MAP4: variants seen among roughly 807,000 people sequenced by gnomAD.
MAP4 encodes microtubule associated protein 4, also known as microtubule-associated protein 4.
A neutral mutation model predicts 170.2 loss-of-function variants in MAP4; 76 were observed. The ratio of observed to expected loss-of-function variants is 0.45; its 90% CI spans 0.37 to 0.54. The LOEUF (loss-of-function observed/expected upper bound fraction) is 0.54, where lower values mean the gene tolerates loss of function less well. MAP4 is among the 20% of genes least tolerant of loss of function. MAP4 has a pLI of 0.00. For synonymous variants in MAP4, 909 were observed against 994.5 expected (o/e 0.91, Z 1.62); for missense variants, 2,506 against 2,748.0 (o/e 0.91, Z 1.97).
In MAP4 at chr3:47,966,228, C is replaced by CTTT. The variant is rs757460367; in HGVS notation, c.292+11634_292+11636dup. On this transcript the variant is annotated intron_variant, in intron 3 of 20. Coordinates refer to ENST00000683076, the MANE Select transcript of MAP4 (RefSeq NM_001385682.1). ...AGCTGGGACTACAGGCCCACACTAC[C>CTTT]TTTTTTTTTTTTTTTTTTTTTTTTT... Among the ~76,000 whole-genome samples the CTTT allele has an allele frequency of 5.1e-3, 257 of 50,248 alleles. 62 individuals carry two copies. Among genetic ancestry groups the CTTT allele is most frequent in the East Asian group, 0.013 (14 of 1,116 alleles). 33.0% of individuals were successfully genotyped at this position (50,248 alleles called of 152,430 possible).
chr3:47,857,795 G>A (rs552775841), intron 17 of MAP4, among the ~76,000 whole-genome samples: 28 of 151,534 alleles, frequency 1.8e-4, no homozygotes, highest in Admixed American at 4.0e-4. Flanking sequence ...TATAACCTCC[G>A]CCTCCTGGGG....
At chr3:47,879,821 G>A (rs2096354512) in intron 10 of MAP4, among the ~76,000 whole-genome samples, 2 of 152,012 alleles carry the variant, frequency 1.3e-5, no homozygotes. Flanking sequence ...TAAATATATG[G>A]CAACTACTAT....
chr3:47,998,634 T>G lies in MAP4; in HGVS notation c.223+4A>C, dbSNP rs1377545556. ...TATATAAGCAGTCTGGTTTAAATAC[T>G]TACCTTCAATCTGGCTAGTTTCTGA... On this transcript the variant is annotated splice_donor_region_variant and intron_variant, in intron 2 of 20. Coordinates refer to ENST00000683076, the MANE Select transcript of MAP4 (RefSeq NM_001385682.1). The G allele has an allele frequency of 6.2e-7, 1 of 1,611,058 alleles. No homozygotes were observed. The highest frequency in any genetic ancestry group is 8.5e-7 in the Non-Finnish European group (1 of 1,177,316).
intron 3 of MAP4, among the ~76,000 whole-genome samples, chr3:47,935,487 A>C (rs951727752): frequency 3.3e-5 from 5 of 152,192 alleles, no homozygotes; most frequent in African/African-American, 1.2e-4. Context: ...AATGCCTTCT[A>C]AAGGGAAACC....
In MAP4 at chr3:47,991,161, A is replaced by T. The variant is rs560045727; in HGVS notation, c.223+7477T>A. Among the ~76,000 whole-genome samples, 9 of 152,380 alleles carry T rather than the reference A, an allele frequency of 5.9e-5. No homozygotes were observed. The South Asian group carries it at 1.9e-3, about 32-fold the overall frequency. On this transcript the variant is annotated intron_variant, in intron 2 of 20. Coordinates refer to ENST00000683076, the MANE Select transcript of MAP4 (RefSeq NM_001385682.1). ...AAAAAAGCAATTTTCCTACTTTGTC[A>T]TAAATGCCATAAAAGCAACCCTGCT...
chr3:47,891,049 G>C, intron 10 of MAP4: 1 of 1,499,532 alleles, frequency 6.7e-7, no homozygotes, highest in East Asian at 2.5e-5. Flanking sequence ...TTTCAAACAG[G>C]AACGATGGAG....
intron 3 of MAP4, among the ~76,000 whole-genome samples, chr3:47,936,029 G>C (rs944741844): frequency 1.3e-5 from 2 of 151,790 alleles, no homozygotes; most frequent in Non-Finnish European, 2.9e-5. Flanking sequence ...AGCTGCCAGT[G>C]GCCATCTTTC....
chr3:48,021,883 T>C (rs2100110741), intron 1 of MAP4, among the ~76,000 whole-genome samples: 1 of 152,198 alleles, frequency 6.6e-6, no homozygotes, highest in African/African-American at 2.4e-5. Context: ...CAATGTCATA[T>C]GTTTGAAACT....
chr3:47,998,422 G>A (rs2100097192), intron 2 of MAP4, among the ~76,000 whole-genome samples: 1 of 152,146 alleles, frequency 6.6e-6, no homozygotes, highest in African/African-American at 2.4e-5. Flanking sequence ...TGAAACATTA[G>A]AGAAGAAACA....
intron 3 of MAP4, among the ~76,000 whole-genome samples, chr3:47,929,984 G>T (rs1358807293): frequency 6.6e-6 from 1 of 151,962 alleles, no homozygotes; most frequent in Non-Finnish European, 1.5e-5. Flanking sequence ...ACAAAAATTA[G>T]CTGGGCCTGG....
At chr3:47,926,151 C>T (rs907283553) in intron 4 of MAP4, among the ~76,000 whole-genome samples, 11 of 146,844 alleles carry the variant, frequency 7.5e-5, no homozygotes, top group Non-Finnish European at 1.5e-4. Context: ...CCACCACGCC[C>T]GGCCAATTCA....
chr3:48,084,917 C>G (rs2100148336), intron 1 of MAP4, among the ~76,000 whole-genome samples: 1 of 151,810 alleles, frequency 6.6e-6, no homozygotes, highest in Non-Finnish European at 1.5e-5. Flanking sequence ...GCTGGAATTA[C>G]AGGCATGAGC....
intron 3 of MAP4, among the ~76,000 whole-genome samples, chr3:47,968,447 G>C (rs568696465): frequency 6.3e-4 from 96 of 152,204 alleles, no homozygotes; most frequent in African/African-American, 1.2e-3. Flanking sequence ...CAGAAGATTG[G>C]GGAATGCACA....
chr3:47,901,694 A>T (rs2100030096), intron 10 of MAP4, among the ~76,000 whole-genome samples: 1 of 151,862 alleles, frequency 6.6e-6, no homozygotes, highest in Non-Finnish European at 1.5e-5. Context: ...AAAGAATGGA[A>T]GCCCCCTTAC....
intron 3 of MAP4, among the ~76,000 whole-genome samples, chr3:47,961,645 G>A (rs1173406257): frequency 2.0e-5 from 3 of 152,168 alleles, no homozygotes; most frequent in East Asian, 3.8e-4. Context: ...TAGAGAGCGG[G>A]CATGATGACA....
intron 3 of MAP4, among the ~76,000 whole-genome samples, chr3:47,967,058 C>T (rs561258839): frequency 1.4e-4 from 21 of 152,262 alleles, no homozygotes; most frequent in African/African-American, 4.8e-4. Context: ...CATTTAGGGC[C>T]GGGTGCAGTG....
At chr3:47,972,382 C>T (rs942919768) in intron 3 of MAP4, among the ~76,000 whole-genome samples, 12 of 152,160 alleles carry the variant, frequency 7.9e-5, no homozygotes, top group Admixed American at 7.9e-4. Flanking sequence ...TTTAACTGCA[C>T]TAAACTAAAT....
At chr3:48,034,699 T>C (rs1356756844) in intron 1 of MAP4, among the ~76,000 whole-genome samples, 1 of 151,092 alleles carries the variant, frequency 6.6e-6, no homozygotes, top group Non-Finnish European at 1.5e-5. Context: ...AGAGACTCTG[T>C]ATCCAAAAAA....
At chr3:47,912,993 A>T (rs1252301918) in intron 8 of MAP4, among the ~76,000 whole-genome samples, 1 of 152,218 alleles carries the variant, frequency 6.6e-6, no homozygotes, top group African/African-American at 2.4e-5. Flanking sequence ...TACTGAATCC[A>T]CATTTTGGTC....
Sources: allele counts gnomAD v4.1 joint callset (sites outside exome capture counted in the v4.1 genomes callset), GRCh38; gene constraint gnomAD v4.1.1; transcripts MANE v1.5; gene names NCBI Gene and HGNC (gene_info 2026-07-23, HGNC 2026-07-21).